The following DUSP16 variants were observed in gnomAD, a reference collection of about 807,000 sequenced individuals.
DUSP16 encodes dual specificity protein phosphatase 16.
In DUSP16, 21 loss-of-function variants were observed where a neutral mutation model predicts 58.3. That is an observed-to-expected ratio of 0.36 (90% CI 0.26 to 0.52). DUSP16 has a LOEUF of 0.52. Among genes scored for constraint, DUSP16 ranks in the 20% least tolerant of loss-of-function variants. DUSP16 has a pLI of 0.94. For missense variants in DUSP16, 726 were observed against 819.0 expected, an observed-to-expected ratio of 0.89 and a Z score of 1.39; for synonymous variants, 320 against 323.8, an observed-to-expected ratio of 0.99 and a Z score of 0.12.
At chr12:12,553,162 A>C (rs1365120085) in intron 1 of DUSP16, among the ~76,000 whole-genome samples, 2 of 152,214 alleles carry the variant, frequency 1.3e-5, no homozygotes, top group Admixed American at 6.5e-5. Context: ...GGACAGACAT[A>C]GTCTATATAA....
chr12:12,520,091 C>A, intron 2 of DUSP16, 91 bp from the exon 3 acceptor site: 3 of 1,219,122 alleles, frequency 2.5e-6, no homozygotes, highest in Non-Finnish European at 1.2e-6. Flanking sequence ...AGTGCTGGGG[C>A]GAATAATTGC....
At chr12:12,539,816 C>T (rs1490710590) in intron 1 of DUSP16, among the ~76,000 whole-genome samples, 4 of 151,134 alleles carry the variant, frequency 2.6e-5, no homozygotes, top group East Asian at 2.0e-4. Flanking sequence ...TTTGGGAGGC[C>T]GAGGCAGGTG....
intron 1 of DUSP16, among the ~76,000 whole-genome samples, chr12:12,532,598 G>A (rs1944407137): frequency 6.6e-6 from 1 of 152,122 alleles, no homozygotes; most frequent in Non-Finnish European, 1.5e-5. Flanking sequence ...CTATTACCAG[G>A]TCCTACTGTA....
At chr12:12,529,499 TCTA>T (rs1406359431) in intron 1 of DUSP16, among the ~76,000 whole-genome samples, 1 of 152,234 alleles carries the variant, frequency 6.6e-6, no homozygotes, top group African/African-American at 2.4e-5. Flanking sequence ...AATGGTTAAT[TCTA>T]CTAACAAGTG....
At chr12:12,529,995 C>T (rs1254331036) in intron 1 of DUSP16, among the ~76,000 whole-genome samples, 1 of 152,176 alleles carries the variant, frequency 6.6e-6, no homozygotes, top group African/African-American at 2.4e-5. Flanking sequence ...CTGCAATAAA[C>T]ATGGGTATGC....
intron 1 of DUSP16, among the ~76,000 whole-genome samples, chr12:12,559,162 T>A (rs545098008): frequency 3.9e-5 from 6 of 151,970 alleles, no homozygotes. Context: ...AAAAAAAAAA[T>A]TGACATCTGG....
chr12:12,489,628 G>C (rs2136200472), intron 4 of DUSP16, among the ~76,000 whole-genome samples: 1 of 152,308 alleles, frequency 6.6e-6, no homozygotes, highest in South Asian at 2.1e-4. Flanking sequence ...TCTGAGAAAT[G>C]AGGTGACTCT....
intron 1 of DUSP16, among the ~76,000 whole-genome samples, chr12:12,529,596 G>A (rs1237006735): frequency 3.9e-5 from 6 of 152,084 alleles, no homozygotes; most frequent in African/African-American, 1.4e-4. Flanking sequence ...ATATATCCTC[G>A]TTAACTGTGG....
At chr12:12,513,523 G>C (rs188256009) in intron 3 of DUSP16, among the ~76,000 whole-genome samples, 178 of 152,326 alleles carry the variant, frequency 1.2e-3, no homozygotes, top group African/African-American at 4.2e-3. Flanking sequence ...GGCAGCAAGA[G>C]CTTGGGAGAG....
At chr12:12,480,026 A>T (rs1271805970) in intron 6 of DUSP16, among the ~76,000 whole-genome samples, 197 bp downstream of exon 6, 3 of 152,234 alleles carry the variant, frequency 2.0e-5, no homozygotes, top group Non-Finnish European at 4.4e-5. Flanking sequence ...GACACATGTG[A>T]AGGCAGAATT....
At chr12:12,530,494 G>C (rs1250687885) in intron 1 of DUSP16, among the ~76,000 whole-genome samples, 1 of 152,168 alleles carries the variant, frequency 6.6e-6, no homozygotes, top group Non-Finnish European at 1.5e-5. Context: ...TTGCAGTGCA[G>C]AAGCTTTTTA....
In DUSP16 at chr12:12,520,959, T is replaced by C; in HGVS notation, c.140A>G (p.Asn47Ser). Residue 47 changes from asparagine (N) to serine (S), a missense_variant, in exon 2 of 7, where the codon AAT (asparagine) becomes AGT (serine). Coordinates refer to ENST00000298573, the MANE Select transcript of DUSP16 (RefSeq NM_030640.3). Reference protein sequence around the residue: ...YNTSHILEAININCSKLMKRR... With the variant: ...YNTSHILEAISINCSKLMKRR... The stretch of plus-strand genomic sequence containing the variant: ...CTTCATAAGCTTGGAGCAGTTGATA[T>C]TAATGGCTTCCAAAATGTGGGATGT... The C allele has an allele frequency of 6.2e-7, 1 of 1,614,230 alleles. No individual in the cohort carries two copies. Among genetic ancestry groups the C allele is most frequent in the Middle Eastern group, 1.6e-4 (1 of 6,062 alleles).
intron 1 of DUSP16, among the ~76,000 whole-genome samples, chr12:12,549,027 A>G (rs1944689711): frequency 1.3e-5 from 2 of 152,364 alleles, no homozygotes; most frequent in South Asian, 4.1e-4. Flanking sequence ...TTAATTACAG[A>G]CAATACACAC....
intron 4 of DUSP16, among the ~76,000 whole-genome samples, chr12:12,494,431 G>A (rs1943801742): frequency 6.6e-6 from 1 of 152,184 alleles, no homozygotes; most frequent in Non-Finnish European, 1.5e-5. Flanking sequence ...CTCACTGAGG[G>A]ATGAATAGTC....
intron 1 of DUSP16, among the ~76,000 whole-genome samples, chr12:12,542,770 G>A (rs559845800): frequency 7.9e-5 from 12 of 152,230 alleles, no homozygotes; most frequent in African/African-American, 2.4e-4. Flanking sequence ...TGTAGAACAC[G>A]ATCCTCAATT....
intron 1 of DUSP16, among the ~76,000 whole-genome samples, chr12:12,545,590 T>C (rs778868264): frequency 2.6e-5 from 4 of 152,142 alleles, no homozygotes; most frequent in Non-Finnish European, 5.9e-5. Context: ...CCACTACATT[T>C]ATTTTTAAAG....
intron 5 of DUSP16, among the ~76,000 whole-genome samples, chr12:12,483,847 A>G (rs1313521613): frequency 1.3e-5 from 2 of 152,130 alleles, no homozygotes; most frequent in Non-Finnish European, 2.9e-5. Context: ...TCTAAATAAC[A>G]ACAACAAAAA....
chr12:12,562,080 GCCCGCACAC>G (rs980726691), intron 1 of DUSP16, 28 bp downstream of exon 1: 9 of 141,068 alleles, frequency 6.4e-5, no homozygotes, highest in African/African-American at 2.3e-4. Context: ...GCACCCTCCC[GCCCGCACAC>G]CCCGCGCGGC....
At chr12:12,518,072 G>C (rs1483208595) in intron 3 of DUSP16, among the ~76,000 whole-genome samples, 1 of 152,244 alleles carries the variant, frequency 6.6e-6, no homozygotes, top group African/African-American at 2.4e-5. Flanking sequence ...ACCTGTGCTA[G>C]AAACTCAATG....
Sources: allele counts gnomAD v4.1 joint callset (sites outside exome capture counted in the v4.1 genomes callset), GRCh38; gene constraint gnomAD v4.1.1; transcripts MANE v1.5; gene names NCBI Gene and HGNC (gene_info 2026-07-23, HGNC 2026-07-21).